Variants in FER observed in about 807,000 individuals in gnomAD.
The protein encoded by FER is tyrosine-protein kinase Fer.
FER carries 63 observed loss-of-function variants against 111.0 expected under a neutral mutation model. The ratio of observed to expected loss-of-function variants is 0.57; its 90% CI spans 0.46 to 0.70. The LOEUF (loss-of-function observed/expected upper bound fraction) is 0.70, where lower values mean the gene tolerates loss of function less well. Among genes scored for constraint, FER ranks in the 30% least tolerant of loss-of-function variants. FER has a pLI of 0.00. For missense variants in FER, 914 were observed against 954.0 expected (o/e 0.96, Z 0.55); for synonymous variants, 327 against 313.9 (o/e 1.04, Z -0.44).
chr5:109,027,887 A>T (rs1768982282), intron 13 of FER, among the ~76,000 whole-genome samples: 1 of 152,194 alleles, frequency 6.6e-6, no homozygotes. Context: ...ATTTTCAGTT[A>T]TTTTTATAGC....
intron 2 of FER, among the ~76,000 whole-genome samples, chr5:108,777,805 A>C (rs1753655628): frequency 6.6e-6 from 1 of 152,294 alleles, no homozygotes; most frequent in South Asian, 2.1e-4. Context: ...AGGCAAAGAG[A>C]GAGCTTCTGT....
At chr5:109,154,856 C>T (rs79883162) in intron 17 of FER, among the ~76,000 whole-genome samples, 22,288 of 151,622 alleles carry the variant, frequency 0.15, 1,693 homozygotes, top group Non-Finnish European at 0.17. Context: ...GTTAGACATA[C>T]GCTATAATAA....
At chr5:108,769,511 C>T (rs1340077164) in intron 2 of FER, among the ~76,000 whole-genome samples, 1 of 152,112 alleles carries the variant, frequency 6.6e-6, no homozygotes, top group Non-Finnish European at 1.5e-5. Context: ...ATTTTAACTG[C>T]TGTGTGAGAC....
At chr5:109,128,513 A>G (rs1310654268) in intron 17 of FER, among the ~76,000 whole-genome samples, 1 of 152,160 alleles carries the variant, frequency 6.6e-6, no homozygotes, top group South Asian at 2.1e-4. Flanking sequence ...TTACCTAATA[A>G]AAATCAGTGA....
In FER at chr5:108,845,041, CATATATATATATATATATATAT is replaced by C. The variant is rs1232663960; in HGVS notation, c.481+9240_481+9261del. ...ATATATATATATATATATATATATA[CATATATATATATATATATATAT>C]ATATACACACACACACACACACACA... On this transcript the variant is annotated intron_variant, in intron 5 of 19. Coordinates refer to ENST00000281092, the MANE Select transcript of FER (RefSeq NM_005246.4). Among the ~76,000 whole-genome samples, 253 of 46,380 alleles carry C rather than the reference CATATATATATATATATATATAT, an allele frequency of 5.5e-3. 1 individual carries two copies. Among genetic ancestry groups the C allele is most frequent in the East Asian group, 0.012 (12 of 988 alleles). 30.4% of individuals were successfully genotyped at this position (46,380 alleles called of 152,430 possible). A position where few individuals can be genotyped will look rare whatever the true frequency, so the allele number is the denominator to read the frequency against.
intron 13 of FER, among the ~76,000 whole-genome samples, chr5:108,987,053 A>G (rs887559342): frequency 4.6e-5 from 7 of 152,032 alleles, no homozygotes; most frequent in Admixed American, 3.9e-4. Flanking sequence ...TCATTCTCAT[A>G]ATATTGATTC....
intron 2 of FER, among the ~76,000 whole-genome samples, chr5:108,784,782 T>C (rs183784152): frequency 1.2e-4 from 19 of 152,326 alleles, no homozygotes; most frequent in Admixed American, 8.5e-4. Flanking sequence ...AGCAGGAACA[T>C]GTCCCTCAGG....
At chr5:109,136,495 TCA>T (rs1484650511) in intron 17 of FER, among the ~76,000 whole-genome samples, 1 of 152,186 alleles carries the variant, frequency 6.6e-6, no homozygotes, top group South Asian at 2.1e-4. Flanking sequence ...TTCATATTTC[TCA>T]CAGTTATTCT....
chr5:109,149,207 T>C (rs568523840), intron 17 of FER, among the ~76,000 whole-genome samples: 2 of 152,178 alleles, frequency 1.3e-5, no homozygotes, highest in Non-Finnish European at 2.9e-5. Flanking sequence ...AAGTCTAAAT[T>C]TGAGGCCTCT....
intron 3 of FER, among the ~76,000 whole-genome samples, chr5:108,812,082 T>G (rs1757823805): frequency 6.6e-6 from 1 of 152,208 alleles, no homozygotes; most frequent in African/African-American, 2.4e-5. Context: ...TCTTTACTCA[T>G]GTTTGTCTAC....
At chr5:108,974,960 C>T (rs185440772) in intron 13 of FER, among the ~76,000 whole-genome samples, 18 of 152,250 alleles carry the variant, frequency 1.2e-4, no homozygotes, top group Admixed American at 5.9e-4. Context: ...AAGACACATG[C>T]ATATGTGTGT....
At chr5:108,883,623 CTTTTA>C (rs973869418) in intron 9 of FER, 105 bp downstream of exon 9, 18 of 637,542 alleles carry the variant, frequency 2.8e-5, no homozygotes, top group East Asian at 1.3e-4. Context: ...GAAACAGAAA[CTTTTA>C]TTTTAAGTAT....
chr5:108,929,337 T>C (rs866329218), intron 10 of FER, among the ~76,000 whole-genome samples: 23 of 152,146 alleles, frequency 1.5e-4, no homozygotes, highest in African/African-American at 4.6e-4. Flanking sequence ...TGCTAATCCA[T>C]TGTAAGTGGT....
chr5:108,808,303 A>T (rs1757406220), intron 3 of FER, among the ~76,000 whole-genome samples: 1 of 152,080 alleles, frequency 6.6e-6, no homozygotes, highest in Non-Finnish European at 1.5e-5. Context: ...TGCATATATT[A>T]AATATAAGTT....
chr5:109,060,731 C>T (rs1363586120), intron 16 of FER, among the ~76,000 whole-genome samples: 3 of 150,108 alleles, frequency 2.0e-5, no homozygotes, highest in Non-Finnish European at 4.4e-5. Context: ...ATTAAATGTA[C>T]TGTGATTGTG....
chr5:109,058,727 T>C (rs917752354), intron 16 of FER, among the ~76,000 whole-genome samples: 3 of 104,754 alleles, frequency 2.9e-5, no homozygotes, highest in African/African-American at 7.1e-5. Context: ...TTTCTTTCTT[T>C]TTTTTTTTTT....
At chr5:109,183,077 A>G (rs556839063) in intron 18 of FER, among the ~76,000 whole-genome samples, 1 of 152,242 alleles carries the variant, frequency 6.6e-6, no homozygotes, top group African/African-American at 2.4e-5. Flanking sequence ...AACGTAGAAC[A>G]ATTTAGATGA....
intron 2 of FER, chr5:108,785,402 G>C (rs867088884): frequency 6.8e-6 from 4 of 588,314 alleles, no homozygotes; most frequent in Non-Finnish European, 1.4e-5. Flanking sequence ...AAATATCATC[G>C]TAGATGAACT....
chr5:108,768,811 T>C (rs1752591379), intron 2 of FER, among the ~76,000 whole-genome samples: 1 of 151,038 alleles, frequency 6.6e-6, no homozygotes, highest in African/African-American at 2.5e-5. Flanking sequence ...GACAAAACAA[T>C]TATGAATTAT....
Sources: allele counts gnomAD v4.1 joint callset (sites outside exome capture counted in the v4.1 genomes callset), GRCh38; gene constraint gnomAD v4.1.1; transcripts MANE v1.5; gene names NCBI Gene and HGNC (gene_info 2026-07-23, HGNC 2026-07-21).